DNAAF10: variants seen among roughly 807,000 people sequenced by gnomAD.
The protein encoded by DNAAF10 is WD repeat domain 92.
Under a neutral mutation model 43.7 loss-of-function variants are expected in DNAAF10, and 28 were observed. That is an observed-to-expected ratio of 0.64 (90% CI 0.48 to 0.88). DNAAF10 has a LOEUF of 0.88. Ranked by LOEUF, DNAAF10 falls within the 40% of genes least tolerant of loss-of-function variation. The pLI, the probability that DNAAF10 is intolerant of heterozygous loss-of-function variation, is 0.00. For missense variants in DNAAF10, 403 were observed against 439.1 expected (o/e 0.92, Z 0.73); for synonymous variants, 156 against 157.3 (o/e 0.99, Z 0.06).
Position 68,157,369 on chromosome 2 carries a change from C to T in DNAAF10, c.75G>A (p.Lys25=). The change falls in exon 1 of 8, where the codon AAG becomes AAA. Residue 25 remains lysine, a synonymous_variant. Coordinates refer to ENST00000295121, the MANE Select transcript of DNAAF10 (RefSeq NM_138458.4). ...CAAATTTGGCGCTGCAGGGCACCCA[C>T]TTACAGTCAAACACCGTGTAGTTGA... The part of the protein sequence containing the change: ...KGFNYTVFDC[K]WVPCSAKFVT... 3 of 1,614,204 alleles carry T rather than the reference C, an allele frequency of 1.9e-6. No individual in the cohort carries two copies. The highest frequency in any genetic ancestry group is 1.3e-5 in the African/African-American group (1 of 75,040).
intron 6 of DNAAF10, among the ~76,000 whole-genome samples, chr2:68,135,328 T>A (rs1673015170): frequency 6.6e-6 from 1 of 152,210 alleles, no homozygotes; most frequent in African/African-American, 2.4e-5. Context: ...TTATTTTCAA[T>A]TTATTGCCAT....
intron 7 of DNAAF10, 52 bp downstream of exon 7, chr2:68,134,650 C>A: frequency 6.3e-7 from 1 of 1,587,598 alleles, no homozygotes; most frequent in Non-Finnish European, 8.5e-7. Context: ...TCTAATCCTA[C>A]TTTACACCCA....
At chr2:68,141,326 A>G (rs368715357) in intron 4 of DNAAF10, among the ~76,000 whole-genome samples, 1 of 152,250 alleles carries the variant, frequency 6.6e-6, no homozygotes, top group East Asian at 1.9e-4. Context: ...AATTAGGTCA[A>G]TATTATCTAG....
intron 4 of DNAAF10, among the ~76,000 whole-genome samples, chr2:68,139,146 G>A (rs1048326569): frequency 2.6e-5 from 4 of 152,278 alleles, no homozygotes; most frequent in African/African-American, 7.2e-5. Context: ...GATGGGAGGT[G>A]CTGGGTCATG....
chr2:68,138,906 A>AT, intron 4 of DNAAF10, 49 bp from the exon 5 acceptor site: 11 of 1,338,474 alleles, frequency 8.2e-6, no homozygotes, highest in Non-Finnish European at 1.2e-5. Flanking sequence ...GCATCCTTAT[A>AT]AAGGCTGCTT....
At chr2:68,132,193 G>A (rs1412937651) in intron 7 of DNAAF10, among the ~76,000 whole-genome samples, 3 of 152,070 alleles carry the variant, frequency 2.0e-5, no homozygotes, top group Admixed American at 1.3e-4. Context: ...AAATACAAAA[G>A]TATCACTCCT....
chr2:68,153,368 G>T (rs202186701), intron 1 of DNAAF10, among the ~76,000 whole-genome samples: 1 of 106,046 alleles, frequency 9.4e-6, no homozygotes, highest in Non-Finnish European at 2.0e-5. Flanking sequence ...AAAAAAAAAA[G>T]AACGATGCAT....
At position 68,147,577 on chromosome 2, in the gene DNAAF10, A is replaced by G; in HGVS notation, c.184-10T>C. Reference sequence around the variant, plus strand: ...GTTTGGCCTTTTCAATCTTCATAGAAGGGAGGAAGAGAGGATATATTATTT... The same window carrying G: ...GTTTGGCCTTTTCAATCTTCATAGAGGGGAGGAAGAGAGGATATATTATTT... On this transcript the variant is annotated splice_polypyrimidine_tract_variant and intron_variant, in intron 1 of 7. Transcript: ENST00000295121. 6.3e-7 allele frequency: 1 copy of G among 1,583,346 alleles called. No homozygotes were observed. The highest frequency in any genetic ancestry group is 8.6e-7 in the Non-Finnish European group (1 of 1,157,940).
In DNAAF10 at chr2:68,145,799, C is replaced by G. The variant is rs1375681085; in HGVS notation, c.285-1084G>C. Among the ~76,000 whole-genome samples, 3 of 152,298 alleles carry G rather than the reference C, an allele frequency of 2.0e-5. No homozygotes were observed. In the East Asian group the frequency reaches 5.8e-4, roughly 29 times the overall value. On this transcript the variant is annotated intron_variant, in intron 2 of 7. Transcript: ENST00000295121. ...GATCCTCACACATTCCTTTTCTTAC[C>G]CGTCTCCATTTCTCCCCTTCTTTTG...
intron 1 of DNAAF10, among the ~76,000 whole-genome samples, chr2:68,151,568 C>T (rs1219172492): frequency 6.6e-6 from 1 of 152,168 alleles, no homozygotes; most frequent in Non-Finnish European, 1.5e-5. Context: ...AGGGCCTTGC[C>T]TAATTTTTTT....
intron 1 of DNAAF10, chr2:68,156,935 T>A (rs991151613): frequency 5.2e-6 from 2 of 385,154 alleles, no homozygotes; most frequent in African/African-American, 4.1e-5. Flanking sequence ...ACCATTCACA[T>A]CCCTGGGAAT....
chr2:68,131,262 G>T lies in DNAAF10; in HGVS notation c.1050C>A (p.Ile350=). The T allele has an allele frequency of 2.5e-6, 4 of 1,613,886 alleles. No individual in the cohort carries two copies. The highest frequency in any genetic ancestry group is 3.4e-6 in the Non-Finnish European group (4 of 1,179,954). The change falls in exon 8 of 8, where the codon ATC becomes ATA. Residue 350 remains isoleucine (I), a synonymous_variant. Coordinates refer to ENST00000295121, the MANE Select transcript of DNAAF10 (RefSeq NM_138458.4). ...GTCAAATTTTATTGAGCTTTGTAAC[G>T]ATCAGTACTCTCACCGTTTGGTCAA... is the stretch of plus-strand genomic sequence containing the variant. ...SSFDQTVRVL[I]VTKLNKI
Position 68,157,368 on chromosome 2 carries a change from A to C in DNAAF10, c.76T>G (p.Trp26Gly). 1 of 1,614,190 alleles carries C rather than the reference A, an allele frequency of 6.2e-7. No homozygotes were observed. Among genetic ancestry groups the C allele is most frequent in the Non-Finnish European group, 8.5e-7 (1 of 1,180,038 alleles). Residue 26 changes from tryptophan (W) to glycine (G), a missense_variant, in exon 1 of 8, where the codon TGG (tryptophan) becomes GGG (glycine). Trp to Gly is a radical substitution (Grantham distance 184). Coordinates refer to ENST00000295121, the MANE Select transcript of DNAAF10 (RefSeq NM_138458.4). ...GFNYTVFDCK[W>G]VPCSAKFVTM... ...ACAAATTTGGCGCTGCAGGGCACCC[A>C]CTTACAGTCAAACACCGTGTAGTTG...
intron 1 of DNAAF10, 64 bp from the exon 2 acceptor site, chr2:68,147,631 TATC>T (rs1184641609): frequency 1.6e-5 from 19 of 1,176,028 alleles, no homozygotes; most frequent in South Asian, 1.5e-4. Flanking sequence ...AATCTATTAA[TATC>T]ATATTTATGG....
Position 68,137,339 on chromosome 2 carries a change from G to T in DNAAF10, c.728C>A (p.Thr243Lys), listed in dbSNP as rs1168490907. 1.9e-6 allele frequency: 3 copies of T among 1,613,340 alleles called. No homozygotes were observed. The highest frequency in any genetic ancestry group is 2.5e-6 in the Non-Finnish European group (3 of 1,179,700). ...EGKFHVFDMR[T>K]QHPTKGFASV... ...GGCAAAACCTTTGGTTGGATGCTGT[G>T]TTCTCATGTCAAAAACATGGAACTT... The change falls in exon 6 of 8, where the codon ACA (threonine) becomes AAA (lysine). Residue 243 changes from threonine to lysine, a missense_variant. Physicochemically the swap from Thr to Lys is moderately conservative, Grantham distance 78. Coordinates refer to ENST00000295121, the MANE Select transcript of DNAAF10 (RefSeq NM_138458.4).
At chr2:68,149,282 T>C (rs1399992665) in intron 1 of DNAAF10, among the ~76,000 whole-genome samples, 1 of 152,218 alleles carries the variant, frequency 6.6e-6, no homozygotes, top group South Asian at 2.1e-4. Flanking sequence ...TGTTGAACTT[T>C]CCTATTGTTT....
chr2:68,144,985 C>G (rs930285724), intron 2 of DNAAF10, among the ~76,000 whole-genome samples: 1 of 152,022 alleles, frequency 6.6e-6, no homozygotes, highest in Non-Finnish European at 1.5e-5. Flanking sequence ...TATGCAAGAC[C>G]CCCACAGATG....
intron 7 of DNAAF10, among the ~76,000 whole-genome samples, chr2:68,132,649 G>A (rs1672950297): frequency 6.6e-6 from 1 of 152,186 alleles, no homozygotes; most frequent in African/African-American, 2.4e-5. Context: ...TGTTCGTTCA[G>A]TGGTCAATAA....
At chr2:68,145,968 T>TA (rs1369998768) in intron 2 of DNAAF10, among the ~76,000 whole-genome samples, 1 of 152,130 alleles carries the variant, frequency 6.6e-6, no homozygotes, top group Non-Finnish European at 1.5e-5. Flanking sequence ...ACCTTACTAA[T>TA]AAAAAATCTA....
Sources: allele counts gnomAD v4.1 joint callset (sites outside exome capture counted in the v4.1 genomes callset), GRCh38; gene constraint gnomAD v4.1.1; transcripts MANE v1.5; gene names NCBI Gene and HGNC (gene_info 2026-07-23, HGNC 2026-07-21).